DHX16: variants seen among roughly 807,000 people sequenced by gnomAD.
DHX16 encodes pre-mRNA-splicing factor ATP-dependent RNA helicase DHX16.
Under a neutral mutation model 131.2 loss-of-function variants are expected in DHX16, and 81 were observed. That is an observed-to-expected ratio of 0.62 (90% confidence interval 0.52 to 0.74). DHX16 has a LOEUF of 0.74. DHX16 is among the 30% of genes least tolerant of loss of function. The pLI is 0.00. For synonymous variants in DHX16, 440 were observed against 520.2 expected, an observed-to-expected ratio of 0.85 and a Z score of 2.10; for missense variants, 980 against 1,363.1, an observed-to-expected ratio of 0.72 and a Z score of 4.43.
Position 30,653,414 on chromosome 6 carries a change from T to G in DHX16, c.2998-44A>C, listed in dbSNP as rs372632356. On this transcript the variant is annotated intron_variant, in intron 19 of 19. Transcript: ENST00000376442. ...CAATGGAGTTCCCTTCTTTCCAACATAGATCTTTTGTTGTTGTTATTTTTT... is the reference window on the plus strand; with the variant it reads ...CAATGGAGTTCCCTTCTTTCCAACAGAGATCTTTTGTTGTTGTTATTTTTT... 6.4e-6 allele frequency: 10 copies of G among 1,555,664 alleles called. No individual in the cohort carries two copies. The East Asian group carries it at 2.3e-4, about 35-fold the overall frequency.
intron 9 of DHX16, among the ~76,000 whole-genome samples, chr6:30,661,319 G>A (rs1561981755): frequency 3.3e-5 from 5 of 152,078 alleles, no homozygotes; most frequent in Admixed American, 6.6e-5. Context: ...TCCTTACCTC[G>A]TGATCCGCCT....
At position 30,656,138 on chromosome 6, in the gene DHX16, G is replaced by A. The variant is rs1767956211; in HGVS notation, c.2498+60C>T. 6.6e-7 allele frequency: 1 copy of A among 1,512,132 alleles called. No homozygotes were observed. Among genetic ancestry groups the A allele is most frequent in the Admixed American group, 1.7e-5 (1 of 59,864 alleles). The allele number at this position is 1,512,132 out of a possible 1,614,324, so 93.7% of individuals were successfully genotyped here. ...AAAAAGACAGACAAAGGGGACCCTGGAGACAGAGGAGGCCTGGCCTGTTTG... is the reference window on the plus strand; with the variant it reads ...AAAAAGACAGACAAAGGGGACCCTGAAGACAGAGGAGGCCTGGCCTGTTTG... On this transcript the variant is annotated intron_variant, in intron 16 of 19. Transcript: ENST00000376442. This position sits in a 1 kb window ranked among gnomAD's most constrained non-coding sequence, Gnocchi z 5.1.
intron 4 of DHX16, among the ~76,000 whole-genome samples, chr6:30,667,961 C>T (rs889567231): frequency 2.6e-5 from 4 of 152,106 alleles, no homozygotes; most frequent in Non-Finnish European, 5.9e-5. Context: ...CATCTAAGAC[C>T]CAAATGCAAT....
At position 30,659,327 on chromosome 6, in the gene DHX16, T is replaced by C. The variant is rs1768259660; in HGVS notation, c.2007+145A>G. On this transcript the variant is annotated intron_variant, in intron 12 of 19. Transcript: ENST00000376442. ...TGGTTCACACCATATTTCTCCTCTC[T>C]TCAGTCCCAGGAACAAGGGACTGGC... 5 of 877,082 alleles carry C rather than the reference T, an allele frequency of 5.7e-6. No individual in the cohort carries two copies. In the Admixed American group the frequency reaches 1.4e-4, roughly 24 times the overall value. 54.3% of individuals were successfully genotyped at this position (877,082 alleles called of 1,614,324 possible). A position where few individuals can be genotyped will look rare whatever the true frequency, so the allele number is the denominator to read the frequency against.
rs750801468 is a variant in DHX16 at position 30,656,194 on chromosome 6, T to C, written c.2498+4A>G. ...TGGGGGCCCAGGTGGAGGCGAGGGC[T>C]TACTTCTCAGAGGCTAAGATCATTT... On this transcript the variant is annotated splice_donor_region_variant and intron_variant, in intron 16 of 19. Coordinates refer to ENST00000376442, the MANE Select transcript of DHX16 (RefSeq NM_003587.5). The surrounding 1 kb of genome is among the most constrained non-coding windows in gnomAD (Gnocchi z 5.1). The C allele has an allele frequency of 6.2e-7, 1 of 1,612,770 alleles. No individual in the cohort carries two copies. The highest frequency in any genetic ancestry group is 8.5e-7 in the Non-Finnish European group (1 of 1,179,998).
chr6:30,657,119 A>G (rs1181960481), intron 12 of DHX16, 27 bp from the exon 13 acceptor site: 3 of 1,589,548 alleles, frequency 1.9e-6, no homozygotes, highest in Admixed American at 1.8e-5. Flanking sequence ...GGGGTCACCC[A>G]GTGACCCCAC....
rs1009333564 is a variant in DHX16, at chr6:30,659,393, G to A, written c.2007+79C>T. ...TGCAGCAGTGCGCAGGACTCACCTTGCATGGGGCAGGCACACAGCTTTTTC... is the reference window on the plus strand; with the variant it reads ...TGCAGCAGTGCGCAGGACTCACCTTACATGGGGCAGGCACACAGCTTTTTC... On this transcript the variant is annotated intron_variant, in intron 12 of 19. Coordinates refer to ENST00000376442, the MANE Select transcript of DHX16 (RefSeq NM_003587.5). 3 of 1,463,704 alleles carry A rather than the reference G, an allele frequency of 2.0e-6. No individual in the cohort carries two copies. In the African/African-American group the frequency reaches 4.2e-5, roughly 20 times the overall value. The allele number at this position is 1,463,704 out of a possible 1,614,324, so 90.7% of individuals were successfully genotyped here.
chr6:30,672,597 G>A, intron 1 of DHX16, 38 bp downstream of exon 1: 9 of 1,564,844 alleles, frequency 5.8e-6, no homozygotes, highest in Middle Eastern at 1.7e-4. Flanking sequence ...AGCCTCACCG[G>A]GACAAATCAC....
Position 30,662,032 on chromosome 6 carries a change from A to G in DHX16, c.1544+595T>C. On this transcript the variant is annotated intron_variant, in intron 9 of 19. Transcript: ENST00000376442. The surrounding 1 kb of genome is among the most constrained non-coding windows in gnomAD (Gnocchi z 4.7). ...CATTCATGAATCCCTTTTCCCCCTCAACACATGTTCAACCAACCCCTGCTT... is the reference window on the plus strand; with the variant it reads ...CATTCATGAATCCCTTTTCCCCCTCGACACATGTTCAACCAACCCCTGCTT... 1.6e-6 allele frequency: 1 copy of G among 608,138 alleles called. No homozygotes were observed. The highest frequency in any genetic ancestry group is 3.0e-6 in the Non-Finnish European group (1 of 335,492). 37.7% of individuals were successfully genotyped at this position (608,138 alleles called of 1,614,324 possible).
Position 30,665,873 on chromosome 6 carries a change from C to G in DHX16, c.667-140G>C. Reference sequence around the variant, plus strand: ...CACCCTCTACCTTCCCTCTGCAATGCACAACCAAAACAATGACATACTCAA... The same window carrying G: ...CACCCTCTACCTTCCCTCTGCAATGGACAACCAAAACAATGACATACTCAA... On this transcript the variant is annotated intron_variant, in intron 4 of 19. Transcript: ENST00000376442. This position sits in a 1 kb window ranked among gnomAD's most constrained non-coding sequence, Gnocchi z 4.8. 4 of 1,087,674 alleles carry G rather than the reference C, an allele frequency of 3.7e-6. No homozygotes were observed. The highest frequency in any genetic ancestry group is 5.1e-6 in the Non-Finnish European group (4 of 777,144). The allele number at this position is 1,087,674 out of a possible 1,614,324, so 67.4% of individuals were successfully genotyped here. A position where few individuals can be genotyped will look rare whatever the true frequency, so the allele number is the denominator to read the frequency against.
intron 9 of DHX16, among the ~76,000 whole-genome samples, chr6:30,661,183 C>T (rs974032493): frequency 6.6e-6 from 1 of 152,228 alleles, no homozygotes. Flanking sequence ...GTTGCGTTCA[C>T]GCCATTCTCC....
intron 7 of DHX16, among the ~76,000 whole-genome samples, chr6:30,664,399 C>T (rs761592656): frequency 1.3e-5 from 2 of 151,566 alleles, no homozygotes; most frequent in East Asian, 3.9e-4. Flanking sequence ...ATTCCTTGAA[C>T]CCAGGAGTCA....
chr6:30,655,725 CAAAGCAGCCAGCAGAT>C, intron 16 of DHX16, 128 bp from the exon 17 acceptor site: 1 of 1,035,012 alleles, frequency 9.7e-7, no homozygotes, highest in East Asian at 2.5e-5. Flanking sequence ...ATAATGGCTA[CAAAGCAGCCAGCAGAT>C]AGATTCTGGC....
Position 30,653,261 on chromosome 6 carries a change from GT to G in DHX16, c.3106del (p.Thr1036HisfsTer5), listed in dbSNP as rs371237906. The part of the protein sequence containing the change: ...AKKMPKKIGK[T>X]REELG ...CTTCTCTTACCCTAGCTCTTCTCGT[GT>G]TTTGCCTATTTTTTTGGGCATTTTC... On this transcript the variant is annotated frameshift_variant, in exon 20 of 20. Coordinates refer to ENST00000376442, the MANE Select transcript of DHX16 (RefSeq NM_003587.5). LOFTEE classifies it high-confidence loss of function. 2 of 1,612,934 alleles carry G rather than the reference GT, an allele frequency of 1.2e-6. No homozygotes were observed. The highest frequency in any genetic ancestry group is 2.7e-5 in the African/African-American group (2 of 74,996).
chr6:30,669,295 C>T (rs980490715), intron 4 of DHX16, among the ~76,000 whole-genome samples: 4 of 151,836 alleles, frequency 2.6e-5, no homozygotes, highest in Admixed American at 6.6e-5. Context: ...GTACTGCAGG[C>T]CTGTAGTCCC....
Position 30,656,741 on chromosome 6 carries a change from C to T in DHX16, c.2167G>A (p.Ala723Thr), listed in dbSNP as rs745478122. ...PCSKASANQR[A>T]GRAGRVAAGK... is the part of the protein sequence containing the mutation. ...GCAGCCACCCGACCTGCCCTGCCAG[C>T]TCGCTGATTGGCTGAGGCCTGGAAA... Residue 723 changes from alanine (A) to threonine (T), a missense_variant, in exon 14 of 20, where the codon GCT (alanine) becomes ACT (threonine). Coordinates refer to ENST00000376442, the MANE Select transcript of DHX16 (RefSeq NM_003587.5). This position sits in a 1 kb window ranked among gnomAD's most constrained non-coding sequence, Gnocchi z 5.1. The T allele has an allele frequency of 1.2e-6, 2 of 1,612,620 alleles. No individual in the cohort carries two copies. Among genetic ancestry groups the T allele is most frequent in the South Asian group, 1.1e-5 (1 of 91,084 alleles).
Position 30,665,550 on chromosome 6 carries a change from G to C in DHX16, c.850C>G (p.Arg284Gly). 6.2e-7 allele frequency: 1 copy of C among 1,613,046 alleles called. No individual in the cohort carries two copies. The highest frequency in any genetic ancestry group is 8.5e-7 in the Non-Finnish European group (1 of 1,180,036). ...RRVRDLAREY[R>G]AAGEQEKLEA... ...AGCTTCTCCTGCTCCCCAGCTGCCC[G>C]GTACTCCCGGGCGAGATCCCGCACT... The change falls in exon 5 of 20, where the codon CGG (arginine) becomes GGG (glycine). Residue 284 changes from arginine (R) to glycine (G), a missense_variant. Coordinates refer to ENST00000376442, the MANE Select transcript of DHX16 (RefSeq NM_003587.5). This position sits in a 1 kb window ranked among gnomAD's most constrained non-coding sequence, Gnocchi z 4.8.
At chr6:30,672,338 A>G (rs1006521972) in intron 1 of DHX16, among the ~76,000 whole-genome samples, 1 of 150,764 alleles carries the variant, frequency 6.6e-6, no homozygotes, top group African/African-American at 2.5e-5. Context: ...AAAAAAAAAA[A>G]GAAAGAAAGA....
At chr6:30,654,931 C>T (rs1280902338) in intron 18 of DHX16, 52 bp from the exon 19 acceptor site, 1 of 1,557,594 alleles carries the variant, frequency 6.4e-7, no homozygotes, top group African/African-American at 1.4e-5. Context: ...CATCTGGGGA[C>T]CCTAAGAATG....
Sources: gnomAD v4.1 joint callset for allele counts (sites outside exome capture counted in the v4.1 genomes callset) on GRCh38, gnomAD v4.1.1 for gene constraint, Gnocchi (gnomAD v3.1) non-coding constraint, MANE v1.5 for transcripts, NCBI Gene and HGNC (gene_info 2026-07-23, HGNC 2026-07-21) for gene names.